GRIP1: variants seen among roughly 807,000 people sequenced by gnomAD.
The protein encoded by GRIP1 is glutamate receptor-interacting protein 1.
Under a neutral mutation model 129.9 loss-of-function variants are expected in GRIP1, and 45 were observed. That is an observed-to-expected ratio of 0.35 (90% confidence interval 0.27 to 0.44). The LOEUF (loss-of-function observed/expected upper bound fraction) is 0.44. Among genes scored for constraint, GRIP1 ranks in the 20% least tolerant of loss-of-function variants. The probability of loss-of-function intolerance (pLI) is 1.00; values close to 1 mark genes in which losing one functional copy is unlikely to be tolerated. For synonymous variants in GRIP1, 530 were observed against 520.8 expected, an observed-to-expected ratio of 1.02 and a Z score of -0.24; for missense variants, 1,196 against 1,396.8, an observed-to-expected ratio of 0.86 and a Z score of 2.29.
Position 66,432,560 on chromosome 12 carries a change from T to C in GRIP1, c.1756A>G (p.Ile586Val). ...LPKKHNVELGITISSPSSRKP... is the reference protein window; with the variant it reads ...LPKKHNVELGVTISSPSSRKP... ...AACTTCTACTTACAACTTATGGTTA[T>C]TCCAAGTTCCACATTGTGCTTCTTA... Residue 586 changes from isoleucine (I) to valine (V), a missense_variant, in exon 14 of 25, where the codon ATA (isoleucine) becomes GTA (valine). Ile to Val is a conservative substitution (Grantham distance 29). Coordinates refer to ENST00000359742, the MANE Select transcript of GRIP1 (RefSeq NM_001366722.1). 6.3e-7 allele frequency: 1 copy of C among 1,584,452 alleles called. No homozygotes were observed. The highest frequency in any genetic ancestry group is 8.7e-7 in the Non-Finnish European group (1 of 1,154,158).
At chr12:66,725,549 T>C (rs2036226336) in intron 1 of GRIP1, among the ~76,000 whole-genome samples, 1 of 152,156 alleles carries the variant, frequency 6.6e-6, no homozygotes, top group South Asian at 2.1e-4. Context: ...ACTTGGTATA[T>C]TATGAATATC....
intron 1 of GRIP1, among the ~76,000 whole-genome samples, chr12:66,743,032 A>G (rs1047202960): frequency 3.9e-5 from 6 of 152,144 alleles, no homozygotes; most frequent in Non-Finnish European, 7.4e-5. Context: ...AGAGATGTCT[A>G]CTTCTTAAGA....
chr12:66,784,200 T>C (rs531651893), intron 1 of GRIP1, among the ~76,000 whole-genome samples: 2 of 152,132 alleles, frequency 1.3e-5, no homozygotes, highest in Admixed American at 1.3e-4. Flanking sequence ...GATCACTTTA[T>C]CCAGCTATAC....
chr12:66,746,013 T>C (rs925004398), intron 1 of GRIP1, among the ~76,000 whole-genome samples: 1 of 152,084 alleles, frequency 6.6e-6, no homozygotes, highest in African/African-American at 2.4e-5. Context: ...AGTTCTCAAA[T>C]ATATTAGCTT....
chr12:66,407,609 T>C (rs1326530516), intron 15 of GRIP1, among the ~76,000 whole-genome samples: 1 of 152,132 alleles, frequency 6.6e-6, no homozygotes, highest in South Asian at 2.1e-4. Context: ...AAAGCAACAC[T>C]GGGCAGAAGT....
At position 67,041,489 on chromosome 12, in the gene GRIP1, C is replaced by T. The variant is rs117419100; in HGVS notation, c.58+27561G>A. On this transcript the variant is annotated intron_variant, in intron 1 of 1. Coordinates refer to the GRIP1 transcript ENST00000643019. ...ATTTATAATCATCATCATTACTACA[C>T]TATTAAATCCAATGAACTTGGTTTC... is the stretch of plus-strand genomic sequence containing the variant. 1.2e-4 allele frequency among the ~76,000 whole-genome samples: 18 copies of T among 152,242 alleles called. No homozygotes were observed. The East Asian group carries it at 1.4e-3, about 11-fold the overall frequency.
chr12:66,922,790 A>G (rs2041234457), intron 1 of GRIP1, among the ~76,000 whole-genome samples: 1 of 152,120 alleles, frequency 6.6e-6, no homozygotes, highest in Non-Finnish European at 1.5e-5. Flanking sequence ...AACTCCAGCA[A>G]TTATCTTGTG....
intron 4 of GRIP1, among the ~76,000 whole-genome samples, chr12:66,534,860 A>G (rs140281422): frequency 0.014 from 2,080 of 152,016 alleles, 18 homozygotes; most frequent in South Asian, 0.021. Context: ...TGCCTGGCTA[A>G]TTTTTGTGTT....
Position 66,679,029 on chromosome 12 carries a change from A to G in GRIP1, c.-125T>C. On this transcript the variant is annotated 5_prime_UTR_variant, in exon 1 of 25. Coordinates refer to ENST00000359742, the MANE Select transcript of GRIP1 (RefSeq NM_001366722.1). ...AAAGGTAGTCCCAGTGGGGAGTGAC[A>G]AAGCTTAATTCCTCTTGGCTGATGC... 4 of 1,563,820 alleles carry G rather than the reference A, an allele frequency of 2.6e-6. No homozygotes were observed. Among genetic ancestry groups the G allele is most frequent in the Non-Finnish European group, 3.5e-6 (4 of 1,153,852 alleles).
At chr12:66,695,768 G>A (rs1040198336) in intron 1 of GRIP1, among the ~76,000 whole-genome samples, 1 of 152,078 alleles carries the variant, frequency 6.6e-6, no homozygotes, top group African/African-American at 2.4e-5. Context: ...ACATATGCAG[G>A]GTATCTTTAA....
At chr12:66,628,242 G>A (rs1206129424) in intron 1 of GRIP1, among the ~76,000 whole-genome samples, 2 of 152,120 alleles carry the variant, frequency 1.3e-5, no homozygotes, top group Admixed American at 6.5e-5. Context: ...ACATGGCTTG[G>A]TAATTTTATA....
At chr12:66,392,275 A>G in intron 19 of GRIP1, 33 bp downstream of exon 19, 6 of 1,289,298 alleles carry the variant, frequency 4.7e-6, no homozygotes, top group Non-Finnish European at 6.8e-6. Flanking sequence ...TTCAACAATG[A>G]CAAGTCCTCT....
intron 7 of GRIP1, among the ~76,000 whole-genome samples, chr12:66,497,833 G>A (rs527416579): frequency 1.3e-5 from 2 of 152,198 alleles, no homozygotes; most frequent in Non-Finnish European, 1.5e-5. Flanking sequence ...GCACGTATAC[G>A]CCCAGATGGC....
intron 1 of GRIP1, among the ~76,000 whole-genome samples, chr12:67,013,624 A>G (rs1476754307): frequency 6.6e-6 from 1 of 152,178 alleles, no homozygotes; most frequent in East Asian, 1.9e-4. Flanking sequence ...TTTACAGGGA[A>G]TTCTAGTTAA....
intron 1 of GRIP1, among the ~76,000 whole-genome samples, chr12:66,755,663 C>T (rs10784582): frequency 0.19 from 28,973 of 152,074 alleles, 2,866 homozygotes; most frequent in Middle Eastern, 0.29. Context: ...GGGACCTCTC[C>T]GTTACCCAGC....
chr12:66,971,290 T>C (rs926701921), intron 1 of GRIP1, among the ~76,000 whole-genome samples: 1 of 152,184 alleles, frequency 6.6e-6, no homozygotes, highest in South Asian at 2.1e-4. Context: ...AAGTTTTACT[T>C]GCTCAGGTTT....
At chr12:66,843,619 T>A (rs1198425951) in intron 1 of GRIP1, among the ~76,000 whole-genome samples, 1 of 151,986 alleles carries the variant, frequency 6.6e-6, no homozygotes, top group African/African-American at 2.4e-5. Context: ...CAGAGGCCAA[T>A]AAAACAGAAT....
chr12:66,398,548 A>G (rs1592765131), intron 16 of GRIP1, among the ~76,000 whole-genome samples: 1 of 152,034 alleles, frequency 6.6e-6, no homozygotes, highest in Admixed American at 6.5e-5. Context: ...CTCATCCTTC[A>G]GAAAGGCTTC....
At chr12:66,843,996 A>C (rs2039767963) in intron 1 of GRIP1, among the ~76,000 whole-genome samples, 1 of 152,180 alleles carries the variant, frequency 6.6e-6, no homozygotes, top group Non-Finnish European at 1.5e-5. Context: ...GAAATAACAC[A>C]ATCAACATAT....
Sources: gnomAD v4.1 joint callset for allele counts (sites outside exome capture counted in the v4.1 genomes callset) on GRCh38, gnomAD v4.1.1 for gene constraint, MANE v1.5 for transcripts, NCBI Gene and HGNC (gene_info 2026-07-23, HGNC 2026-07-21) for gene names.